Variants in PDZD2 observed in about 807,000 individuals in gnomAD.
The protein encoded by PDZD2 is PDZ domain-containing protein 2.
PDZD2 carries 90 observed loss-of-function variants against 220.7 expected under a neutral mutation model. The ratio of observed to expected loss-of-function variants is 0.41; its 90% confidence interval spans 0.34 to 0.49. PDZD2 has a LOEUF of 0.49. Among genes scored for constraint, PDZD2 ranks in the 20% least tolerant of loss-of-function variants. PDZD2 has a pLI of 0.28. For synonymous variants in PDZD2, 1,375 were observed against 1,450.5 expected (o/e 0.95, Z 1.18); for missense variants, 3,174 against 3,608.5 (o/e 0.88, Z 3.08).
At chr5:31,666,407 A>G (rs1745988713) in intron 1 of PDZD2, among the ~76,000 whole-genome samples, 1 of 152,254 alleles carries the variant, frequency 6.6e-6, no homozygotes, top group Non-Finnish European at 1.5e-5. Flanking sequence ...CCTTATTAAA[A>G]AAATATTTTC....
At position 31,680,840 on chromosome 5, in the gene PDZD2, C is replaced by A. The variant is rs1489095555; in HGVS notation, c.-361+41403C>A. ...GTGGGTGCACGGAACCTCTGCCCAG[C>A]CCAGCAGCTTTTTCCCTGCAGCTCT... On this transcript the variant is annotated intron_variant, in intron 1 of 24. Transcript: ENST00000438447. Among the ~76,000 whole-genome samples the A allele has an allele frequency of 4.6e-5, 7 of 152,286 alleles. No individual in the cohort carries two copies. In the East Asian group the frequency reaches 1.2e-3, roughly 25 times the overall value.
chr5:31,850,216 ATATATATAAG>A (rs1262049591), intron 2 of PDZD2, among the ~76,000 whole-genome samples: 1 of 99,344 alleles, frequency 1.0e-5, no homozygotes, highest in Non-Finnish European at 1.8e-5. Flanking sequence ...ATATATGTGT[ATATATATAAG>A]TATATATATA....
chr5:31,825,765 A>G (rs921436879), intron 2 of PDZD2, among the ~76,000 whole-genome samples: 3 of 152,188 alleles, frequency 2.0e-5, no homozygotes, highest in Admixed American at 1.3e-4. Context: ...TTGAAATAAT[A>G]GTTACCATTT....
At chr5:31,729,145 C>T (rs1459447736) in intron 1 of PDZD2, among the ~76,000 whole-genome samples, 1 of 138,354 alleles carries the variant, frequency 7.2e-6, no homozygotes, top group East Asian at 2.2e-4. Context: ...GTCTTGTTGC[C>T]CAGGCTGGAG....
At chr5:31,905,949 T>G (rs1742600731) in intron 2 of PDZD2, among the ~76,000 whole-genome samples, 1 of 151,996 alleles carries the variant, frequency 6.6e-6, no homozygotes, top group Non-Finnish European at 1.5e-5. Flanking sequence ...TCAGTGGTGG[T>G]TCTTGGTTTT....
chr5:31,905,911 A>G (rs1192126711), intron 2 of PDZD2, among the ~76,000 whole-genome samples: 1 of 151,586 alleles, frequency 6.6e-6, no homozygotes, highest in East Asian at 1.9e-4. Context: ...ATTTTATATC[A>G]GCTCCCCTCC....
At chr5:31,941,462 T>A (rs937268064) in intron 2 of PDZD2, among the ~76,000 whole-genome samples, 7 of 152,168 alleles carry the variant, frequency 4.6e-5, no homozygotes, top group African/African-American at 1.7e-4. Flanking sequence ...TACATCTAAG[T>A]GCTGCAGGAA....
chr5:31,758,473 A>G (rs1475122406), intron 1 of PDZD2, among the ~76,000 whole-genome samples: 1 of 152,198 alleles, frequency 6.6e-6, no homozygotes, highest in African/African-American at 2.4e-5. Flanking sequence ...TGGGGGACAG[A>G]CAGCACATGT....
chr5:31,942,133 C>T (rs1283728123), intron 2 of PDZD2, among the ~76,000 whole-genome samples: 1 of 152,168 alleles, frequency 6.6e-6, no homozygotes, highest in Non-Finnish European at 1.5e-5. Context: ...ATGATAGACT[C>T]TTGTTATCCA....
intron 2 of PDZD2, among the ~76,000 whole-genome samples, chr5:31,982,865 T>C (rs1486692505): frequency 6.6e-6 from 1 of 152,226 alleles, no homozygotes. Flanking sequence ...TAGCATTGGC[T>C]CTGTTCCTAG....
chr5:32,058,529 C>G (rs990555549), intron 12 of PDZD2, among the ~76,000 whole-genome samples: 3 of 151,312 alleles, frequency 2.0e-5, no homozygotes, highest in Admixed American at 6.6e-5. Flanking sequence ...AAAAAATTAG[C>G]TGGGCGTGGT....
intron 7 of PDZD2, among the ~76,000 whole-genome samples, chr5:32,041,209 G>C (rs1405943125): frequency 6.7e-6 from 1 of 149,866 alleles, no homozygotes; most frequent in Admixed American, 6.6e-5. Context: ...CCCCGTCTGG[G>C]AGGTGGGGAG....
At chr5:31,704,166 T>C (rs1747720844) in intron 1 of PDZD2, among the ~76,000 whole-genome samples, 1 of 152,084 alleles carries the variant, frequency 6.6e-6, no homozygotes, top group South Asian at 2.1e-4. Context: ...GAATGCACTG[T>C]CATGTCCAGC....
chr5:31,699,274 G>A (rs1279890296), intron 1 of PDZD2, among the ~76,000 whole-genome samples: 1 of 152,164 alleles, frequency 6.6e-6, no homozygotes. Context: ...AAGGTGGTGG[G>A]CGAGGGGTGG....
intron 1 of PDZD2, among the ~76,000 whole-genome samples, chr5:31,789,775 G>C (rs187740320): frequency 6.6e-6 from 1 of 152,062 alleles, no homozygotes; most frequent in Non-Finnish European, 1.5e-5. Context: ...AAAACTAGCC[G>C]GGTGTGGTGG....
chr5:31,994,848 C>T (rs1751508585), intron 3 of PDZD2, among the ~76,000 whole-genome samples: 1 of 152,148 alleles, frequency 6.6e-6, no homozygotes, highest in Admixed American at 6.5e-5. Context: ...ATATAGTTAC[C>T]TATCAACATT....
chr5:31,675,830 G>T (rs938297731), intron 1 of PDZD2, among the ~76,000 whole-genome samples: 1 of 152,124 alleles, frequency 6.6e-6, no homozygotes, highest in Non-Finnish European at 1.5e-5. Flanking sequence ...GCAAGTAGCT[G>T]GGATGGGACT....
chr5:31,968,507 G>A (rs1420233855), intron 2 of PDZD2, among the ~76,000 whole-genome samples: 1 of 152,092 alleles, frequency 6.6e-6, no homozygotes, highest in Non-Finnish European at 1.5e-5. Flanking sequence ...TACAAAATTA[G>A]CTAGGCATGG....
At chr5:31,648,379 C>T (rs1408513410) in intron 1 of PDZD2, among the ~76,000 whole-genome samples, 1 of 152,172 alleles carries the variant, frequency 6.6e-6, no homozygotes, top group Non-Finnish European at 1.5e-5. Flanking sequence ...TTCTCCTCCT[C>T]CCGTCTCAGT....
Sources: gnomAD v4.1 joint callset for allele counts (sites outside exome capture counted in the v4.1 genomes callset) on GRCh38, gnomAD v4.1.1 for gene constraint, MANE v1.5 for transcripts, NCBI Gene and HGNC (gene_info 2026-07-23, HGNC 2026-07-21) for gene names.